Variants in DDN observed in about 807,000 individuals in gnomAD.
DDN encodes the protein dendrin.
Under a neutral mutation model 7.3 loss-of-function variants are expected in DDN, and 4 were observed. That is an observed-to-expected ratio of 0.55 (90% CI 0.27 to 1.25). DDN has a LOEUF of 1.25. Among genes scored for constraint, DDN ranks in the 50% most tolerant of loss-of-function variants. The pLI is 0.12. For synonymous variants in DDN, 425 were observed against 424.3 expected (o/e 1.00, Z -0.02); for missense variants, 933 against 974.7 (o/e 0.96, Z 0.57).
rs991940453 is a variant in DDN, at chr12:48,998,399, G to C, written c.477C>G (p.Leu159=). Residue 159 remains leucine (L), a synonymous_variant, in exon 2 of 2, where the codon CTC becomes CTG. Coordinates refer to ENST00000421952, the MANE Select transcript of DDN (RefSeq NM_015086.2). ...NAPRVAQLAG[L]PAPLRPERLA... ...GGCGCTCCGGCCGCAAGGGAGCAGGGAGCCCTGCCAGCTGGGCCACCCGAG... is the reference window on the plus strand; with the variant it reads ...GGCGCTCCGGCCGCAAGGGAGCAGGCAGCCCTGCCAGCTGGGCCACCCGAG... 6.7e-7 allele frequency: 1 copy of C among 1,497,718 alleles called. No individual in the cohort carries two copies. The highest frequency in any genetic ancestry group is 8.8e-7 in the Non-Finnish European group (1 of 1,132,096). 92.8% of individuals were successfully genotyped at this position (1,497,718 alleles called of 1,614,324 possible). A position where few individuals can be genotyped will look rare whatever the true frequency, so the allele number is the denominator to read the frequency against.
rs1413437800 is a variant in DDN at position 48,996,998 on chromosome 12, C to T, written c.1878G>A (p.Ser626=). 2 of 1,569,726 alleles carry T rather than the reference C, an allele frequency of 1.3e-6. No homozygotes were observed. The highest frequency in any genetic ancestry group is 1.7e-6 in the Non-Finnish European group (2 of 1,157,818). Residue 626 remains serine (S), a synonymous_variant, in exon 2 of 2, where the codon TCG becomes TCA. Coordinates refer to ENST00000421952, the MANE Select transcript of DDN (RefSeq NM_015086.2). Reference sequence around the variant, plus strand: ...TGAGCTCCTCAGCTTCGTCCGTGTCCGAGTCAGGGGCTGTGTGGCGGCGGA... The same window carrying T: ...TGAGCTCCTCAGCTTCGTCCGTGTCTGAGTCAGGGGCTGTGTGGCGGCGGA... ...SRIRRHTAPD[S]DTDEAEELSV...
Position 48,997,594 on chromosome 12 carries a change from C to T in DDN, c.1282G>A (p.Glu428Lys), listed in dbSNP as rs1234274409. 21 of 1,572,824 alleles carry T rather than the reference C, an allele frequency of 1.3e-5. No individual in the cohort carries two copies. The highest frequency in any genetic ancestry group is 1.8e-5 in the Admixed American group (1 of 56,130). Residue 428 changes from glutamate to lysine, a missense_variant, in exon 2 of 2, where the codon GAG becomes AAG. By Grantham distance (56) the Glu-to-Lys change is moderately conservative (BLOSUM62 1). Coordinates refer to ENST00000421952, the MANE Select transcript of DDN (RefSeq NM_015086.2). ...GCACGGCGGGTCGCCTTCCAACCCTCCAGGGTCTCCGGTCCTGCCCCCTCT... is the reference window on the plus strand; with the variant it reads ...GCACGGCGGGTCGCCTTCCAACCCTTCAGGGTCTCCGGTCCTGCCCCCTCT... ...LGEGAGPETL[E>K]GWKATRRAHT...
At position 48,998,244 on chromosome 12, in the gene DDN, C is replaced by A. The variant is rs1941243750; in HGVS notation, c.632G>T (p.Gly211Val). 6.2e-7 allele frequency: 1 copy of A among 1,612,096 alleles called. No homozygotes were observed. The highest frequency in any genetic ancestry group is 1.1e-5 in the South Asian group (1 of 91,000). The change falls in exon 2 of 2, where the codon GGT (glycine) becomes GTT (valine). Residue 211 changes from glycine to valine, a missense_variant. By Grantham distance (109) the Gly-to-Val change is moderately radical. Transcript: ENST00000421952. ...GCGTCGTGGGGCGGTCCCGGCAGAA[C>A]CTCTCAGCAGCAGGTGAGCCTCGTA... Reference protein sequence around the residue: ...PSYEAHLLLRGSAGTAPRRRW... With the variant: ...PSYEAHLLLRVSAGTAPRRRW...
At position 48,998,060 on chromosome 12, in the gene DDN, C is replaced by A. The variant is rs762392999; in HGVS notation, c.816G>T (p.Arg272Ser). 1 of 1,614,010 alleles carries A rather than the reference C, an allele frequency of 6.2e-7. No individual in the cohort carries two copies. The highest frequency in any genetic ancestry group is 8.5e-7 in the Non-Finnish European group (1 of 1,180,044). The change falls in exon 2 of 2, where the codon AGG (arginine) becomes AGT (serine). Residue 272 changes from arginine (R) to serine (S), a missense_variant. Arg to Ser is a moderately radical substitution (Grantham distance 110). Transcript: ENST00000421952. ...ARTDGGRTKKRLDPRIYRDVL... is the reference protein window; with the variant it reads ...ARTDGGRTKKSLDPRIYRDVL... ...CGTCCCGGTAGATCCGAGGATCCAG[C>A]CTCTTCTTTGTGCGCCCTCCGTCTG... is the stretch of plus-strand genomic sequence containing the variant.
chr12:48,997,770 T>G lies in DDN; in HGVS notation c.1106A>C (p.Lys369Thr). Reference protein sequence around the residue: ...HPAPRSRHHLKGSREGKEGEQ... With the variant: ...HPAPRSRHHLTGSREGKEGEQ... The stretch of plus-strand genomic sequence containing the variant: ...TCCTTCTTTCCCTTCCCTCGAGCCC[T>G]TGAGGTGGTGCCTGGATCTGGGAGC... The change falls in exon 2 of 2, where the codon AAG (lysine) becomes ACG (threonine). Residue 369 changes from lysine (K) to threonine (T), a missense_variant. Lys to Thr is a moderately conservative substitution (Grantham distance 78). Coordinates refer to ENST00000421952, the MANE Select transcript of DDN (RefSeq NM_015086.2). The G allele has an allele frequency of 3.1e-6, 5 of 1,611,210 alleles. No individual in the cohort carries two copies. The highest frequency in any genetic ancestry group is 4.2e-6 in the Non-Finnish European group (5 of 1,177,990).
rs1251020000 is a variant in DDN at position 48,997,970 on chromosome 12, C to G, written c.906G>C (p.Ala302=). 4 of 1,613,152 alleles carry G rather than the reference C, an allele frequency of 2.5e-6. No homozygotes were observed. In the South Asian group the frequency reaches 3.3e-5, roughly 13 times the overall value. ...GLLGGSPGCG[A]ARARPEPGKG... ...TGCCGGGCTCTGGCCTTGCTCTGGC[C>G]GCTCCACAGCCTGGGGATCCCCCCA... is the stretch of plus-strand genomic sequence containing the variant. The change falls in exon 2 of 2, where the codon GCG becomes GCC. Residue 302 remains alanine, a synonymous_variant. Transcript: ENST00000421952.
Position 48,997,133 on chromosome 12 carries a change from C to T in DDN, c.1743G>A (p.Gln581=), listed in dbSNP as rs1941217906. 6.5e-7 allele frequency: 1 copy of T among 1,530,170 alleles called. No individual in the cohort carries two copies. Among genetic ancestry groups the T allele is most frequent in the Non-Finnish European group, 8.7e-7 (1 of 1,144,012 alleles). 94.8% of individuals were successfully genotyped at this position (1,530,170 alleles called of 1,614,324 possible). A position where few individuals can be genotyped will look rare whatever the true frequency, so the allele number is the denominator to read the frequency against. ...CCACTTCCGACCCCTCGGCTCTGCC[C>T]TGGGCTCCCGAAGCTGCTGGGCCTA... The part of the protein sequence containing the change: ...QALGPAASGA[Q]GRAEGSEVAV... The change falls in exon 2 of 2, where the codon CAG becomes CAA. Residue 581 remains glutamine (Q), a synonymous_variant. Transcript: ENST00000421952.
rs1165813688 is a variant in DDN at position 48,995,943 on chromosome 12, C to T, written c.*797G>A. On this transcript the variant is annotated 3_prime_UTR_variant, in exon 2 of 2. Coordinates refer to ENST00000421952, the MANE Select transcript of DDN (RefSeq NM_015086.2). The stretch of plus-strand genomic sequence containing the variant: ...ACCTGGGAGACTGGGATAGGAGTGC[C>T]TCACTCCCTTACCTCTTCTGCAAGC... 4 of 152,408 alleles carry T rather than the reference C, an allele frequency of 2.6e-5. No individual in the cohort carries two copies. Among genetic ancestry groups the T allele is most frequent in the Admixed American group, 6.5e-5 (1 of 15,274 alleles). 9.4% of individuals were successfully genotyped at this position (152,408 alleles called of 1,614,324 possible).
Position 48,999,312 on chromosome 12 carries a change from C to A in DDN, c.-25G>T. On this transcript the variant is annotated 5_prime_UTR_variant, in exon 1 of 2. Coordinates refer to ENST00000421952, the MANE Select transcript of DDN (RefSeq NM_015086.2). ...TCCTGCCCCACCCCACCCCGGCCCCCCACCCTCCCACCCGCCCCAGGAGCC... is the reference window on the plus strand; with the variant it reads ...TCCTGCCCCACCCCACCCCGGCCCCACACCCTCCCACCCGCCCCAGGAGCC... 1 of 1,503,204 alleles carries A rather than the reference C, an allele frequency of 6.7e-7. No individual in the cohort carries two copies. Among genetic ancestry groups the A allele is most frequent in the South Asian group, 1.3e-5 (1 of 78,074 alleles). 93.1% of individuals were successfully genotyped at this position (1,503,204 alleles called of 1,614,324 possible).
Position 48,997,245 on chromosome 12 carries a change from C to G in DDN, c.1631G>C (p.Arg544Pro). The G allele has an allele frequency of 6.3e-7, 1 of 1,598,494 alleles. No homozygotes were observed. The highest frequency in any genetic ancestry group is 1.1e-5 in the South Asian group (1 of 89,926). ...CGGGAGCCCCAAGATGCGGAAAGTGCGCTCCTCCAGTGTGGAGTCCCCCGG... is the reference window on the plus strand; with the variant it reads ...CGGGAGCCCCAAGATGCGGAAAGTGGGCTCCTCCAGTGTGGAGTCCCCCGG... ...GRPGDSTLEE[R>P]TFRILGLPAP... Residue 544 changes from arginine (R) to proline (P), a missense_variant, in exon 2 of 2, where the codon CGC becomes CCC. Arg to Pro is a moderately radical substitution (Grantham distance 103). Coordinates refer to ENST00000421952, the MANE Select transcript of DDN (RefSeq NM_015086.2).
chr12:48,998,709 A>T, intron 1 of DDN, 43 bp from the exon 2 acceptor site: 1 of 1,446,466 alleles, frequency 6.9e-7, no homozygotes, highest in Non-Finnish European at 9.0e-7. Flanking sequence ...TTTGTGGGGG[A>T]AGGGAGCCGA....
chr12:48,996,932 G>A lies in DDN; in HGVS notation c.1944C>T (p.Ala648=), dbSNP rs1319453484. ...SGSSDGSDTE[A]PGASWRNERT... is the part of the protein sequence containing the mutation. ...TCTCATTCCGCCAGGAGGCGCCCGG[G>A]GCTTCTGTGTCGCTTCCATCAGAGG... is the stretch of plus-strand genomic sequence containing the variant. Residue 648 remains alanine (A), a synonymous_variant, in exon 2 of 2, where the codon GCC becomes GCT. Coordinates refer to ENST00000421952, the MANE Select transcript of DDN (RefSeq NM_015086.2). 1 of 1,599,100 alleles carries A rather than the reference G, an allele frequency of 6.3e-7. No homozygotes were observed. Among genetic ancestry groups the A allele is most frequent in the African/African-American group, 1.3e-5 (1 of 74,600 alleles).
Position 48,998,465 on chromosome 12 carries a change from C to T in DDN, c.411G>A (p.Arg137=). 7 of 1,561,512 alleles carry T rather than the reference C, an allele frequency of 4.5e-6. No individual in the cohort carries two copies. Among genetic ancestry groups the T allele is most frequent in the Non-Finnish European group, 5.2e-6 (6 of 1,162,992 alleles). Residue 137 remains arginine, a synonymous_variant, in exon 2 of 2, where the codon CGG becomes CGA. Transcript: ENST00000421952. ...CCGGGCGGGGTCGACCCGGGGGGCT[C>T]CGTCGGGCCCCACCAGCCTTGCGCC... ...RKRRKAGGAR[R]SPPGRPRPEP...
rs1941231735 is a variant in DDN, at chr12:48,997,741, G to C, written c.1135C>G (p.Gln379Glu). The change falls in exon 2 of 2, where the codon CAG becomes GAG. Residue 379 changes from glutamine (Q) to glutamate (E), a missense_variant. By Grantham distance (29) the Gln-to-Glu change is conservative (BLOSUM62 2). Coordinates refer to ENST00000421952, the MANE Select transcript of DDN (RefSeq NM_015086.2). ...KGSREGKEGE[Q>E]IWFPKCWIPS... ...ATCCAGCATTTGGGAAACCAGATCT[G>C]TTCTCCTTCTTTCCCTTCCCTCGAG... The C allele has an allele frequency of 6.2e-7, 1 of 1,601,654 alleles. No homozygotes were observed. Among genetic ancestry groups the C allele is most frequent in the Non-Finnish European group, 8.5e-7 (1 of 1,172,518 alleles).
In DDN at chr12:48,997,660, C is replaced by T. The variant is rs917778372; in HGVS notation, c.1216G>A (p.Ala406Thr). Reference protein sequence around the residue: ...RHSQTLPRPWAPGGTGWRESL... With the variant: ...RHSQTLPRPWTPGGTGWRESL... ...TCTCTCCATCCGGTGCCTCCGGGAG[C>T]CCAGGGTCTGGGGAGTGTCTGGCTA... Residue 406 changes from alanine to threonine, a missense_variant, in exon 2 of 2, where the codon GCT becomes ACT. Ala to Thr is a moderately conservative substitution (Grantham distance 58, BLOSUM62 0). Coordinates refer to ENST00000421952, the MANE Select transcript of DDN (RefSeq NM_015086.2). 1.9e-6 allele frequency: 3 copies of T among 1,552,810 alleles called. No homozygotes were observed. The African/African-American group carries it at 4.1e-5, about 21-fold the overall frequency.
chr12:48,996,697 C>T lies in DDN; in HGVS notation c.*43G>A. 1 of 1,594,220 alleles carries T rather than the reference C, an allele frequency of 6.3e-7. No homozygotes were observed. The highest frequency in any genetic ancestry group is 8.6e-7 in the Non-Finnish European group (1 of 1,167,260). ...GGGGAAGAATGGGGACCAGTGGACC[C>T]AAGGATGGATGCGTTGGGGACACAA... On this transcript the variant is annotated 3_prime_UTR_variant, in exon 2 of 2. Coordinates refer to ENST00000421952, the MANE Select transcript of DDN (RefSeq NM_015086.2).
rs575440828 is a variant in DDN at position 48,996,530 on chromosome 12, C to G, written c.*210G>C. ...ACCCTTGTGCCCTGAACATAACAGACATTAATTAAATCTGCTCATTCTCAC... is the reference window on the plus strand; with the variant it reads ...ACCCTTGTGCCCTGAACATAACAGAGATTAATTAAATCTGCTCATTCTCAC... On this transcript the variant is annotated 3_prime_UTR_variant, in exon 2 of 2. Coordinates refer to ENST00000421952, the MANE Select transcript of DDN (RefSeq NM_015086.2). 1 of 811,860 alleles carries G rather than the reference C, an allele frequency of 1.2e-6. No homozygotes were observed. The highest frequency in any genetic ancestry group is 1.9e-5 in the South Asian group (1 of 51,360). The allele number at this position is 811,860 out of a possible 1,614,324, so 50.3% of individuals were successfully genotyped here.
In DDN at chr12:48,996,073, G is replaced by A. The variant is rs770146673; in HGVS notation, c.*667C>T. On this transcript the variant is annotated 3_prime_UTR_variant, in exon 2 of 2. Transcript: ENST00000421952. Reference sequence around the variant, plus strand: ...TCCCAATTCTCATTCTTGGCTTGTCGAGGGGAGGATGAGATAGAGTCCTTT... The same window carrying A: ...TCCCAATTCTCATTCTTGGCTTGTCAAGGGGAGGATGAGATAGAGTCCTTT... 6.6e-6 allele frequency: 1 copy of A among 152,222 alleles called. No individual in the cohort carries two copies. The highest frequency in any genetic ancestry group is 6.5e-5 in the Admixed American group (1 of 15,270). The allele number at this position is 152,222 out of a possible 1,614,324, so 9.4% of individuals were successfully genotyped here.
chr12:48,999,313 C>A lies in DDN; in HGVS notation c.-26G>T. 1 of 1,502,160 alleles carries A rather than the reference C, an allele frequency of 6.7e-7. No homozygotes were observed. The allele number at this position is 1,502,160 out of a possible 1,614,324, so 93.1% of individuals were successfully genotyped here. A position where few individuals can be genotyped will look rare whatever the true frequency, so the allele number is the denominator to read the frequency against. On this transcript the variant is annotated 5_prime_UTR_variant, in exon 1 of 2. Coordinates refer to ENST00000421952, the MANE Select transcript of DDN (RefSeq NM_015086.2). ...CCTGCCCCACCCCACCCCGGCCCCC[C>A]ACCCTCCCACCCGCCCCAGGAGCCC...
Sources: allele counts gnomAD v4.1 joint callset, GRCh38; gene constraint gnomAD v4.1.1; transcripts MANE v1.5; gene names NCBI Gene and HGNC (gene_info 2026-07-23, HGNC 2026-07-21).